Variants in CEP83 observed in about 807,000 individuals in gnomAD.
CEP83 encodes centrosomal protein 83.
CEP83 carries 70 observed loss-of-function variants against 101.9 expected under a neutral mutation model. That is an observed-to-expected ratio of 0.69 (90% confidence interval 0.57 to 0.84). The LOEUF (loss-of-function observed/expected upper bound fraction) is 0.84. Among genes scored for constraint, CEP83 ranks in the 40% least tolerant of loss-of-function variants. The probability of loss-of-function intolerance (pLI) is 0.00; values close to 1 mark genes in which losing one functional copy is unlikely to be tolerated. For missense variants in CEP83, 715 were observed against 787.2 expected (o/e 0.91, Z 1.10); for synonymous variants, 264 against 267.9 (o/e 0.99, Z 0.14).
intron 1 of CEP83, among the ~76,000 whole-genome samples, chr12:94,438,722 A>G (rs1297502035): frequency 6.6e-6 from 1 of 152,214 alleles, no homozygotes; most frequent in Non-Finnish European, 1.5e-5. Context: ...CTACCCAACA[A>G]TTGCAGAATA....
chr12:94,359,335 A>G (rs564070507), intron 11 of CEP83, among the ~76,000 whole-genome samples: 2 of 152,348 alleles, frequency 1.3e-5, no homozygotes, highest in South Asian at 4.1e-4. Context: ...ACTATAAAAT[A>G]TCAACAAAAC....
chr12:94,351,755 T>C (rs1395882131), intron 11 of CEP83, among the ~76,000 whole-genome samples: 1 of 152,162 alleles, frequency 6.6e-6, no homozygotes, highest in East Asian at 1.9e-4. Flanking sequence ...TGGGCCCATA[T>C]GGCAACAGCC....
the CEP83 span, chr12:94,279,726 C>G: frequency 6.5e-6 from 8 of 1,225,090 alleles, no homozygotes; most frequent in African/African-American, 2.1e-5. Context: ...CCCTGTCCCC[C>G]CTCCCTGCCC....
intron 2 of CEP83, among the ~76,000 whole-genome samples, chr12:94,413,903 G>C (rs1210333979): frequency 6.7e-6 from 1 of 148,284 alleles, no homozygotes; most frequent in South Asian, 2.1e-4. Context: ...ATCTTCCTTA[G>C]CCATGGGTTA....
At chr12:94,383,648 T>C (rs1283346929) in intron 6 of CEP83, among the ~76,000 whole-genome samples, 1 of 152,162 alleles carries the variant, frequency 6.6e-6, no homozygotes, top group Non-Finnish European at 1.5e-5. Flanking sequence ...TTATTATGAT[T>C]GATACGTTAA....
At chr12:94,360,817 A>C (rs2060716455) in intron 11 of CEP83, among the ~76,000 whole-genome samples, 1 of 152,224 alleles carries the variant, frequency 6.6e-6, no homozygotes, top group South Asian at 2.1e-4. Context: ...AAAAGAACAA[A>C]GTTGGAGCTA....
intron 2 of CEP83, among the ~76,000 whole-genome samples, chr12:94,433,252 G>A (rs2065773626): frequency 6.6e-6 from 1 of 152,138 alleles, no homozygotes. Context: ...AGAAAAATAA[G>A]TCGTTTATTT....
intron 1 of CEP83, among the ~76,000 whole-genome samples, chr12:94,450,654 C>G (rs949938940): frequency 5.3e-5 from 8 of 152,026 alleles, no homozygotes; most frequent in Non-Finnish European, 1.0e-4. Context: ...TAAATTTAAC[C>G]AAATAAGTGC....
At chr12:94,303,834 A>G, downstream of CEP83, 6 of 1,611,980 alleles carry the variant, frequency 3.7e-6, 1 homozygote, top group South Asian at 6.6e-5. Context: ...TTACAAAGCA[A>G]TCAGGGATTT....
rs1019165688 is a variant in CEP83, at chr12:94,424,467, G to A, written c.-102+10808C>T. ...CCTCTGCTGGTCCCACTGGTATCTC[G>A]AAGGATACGGGTGGAGATAACCTGG... is the stretch of plus-strand genomic sequence containing the variant. On this transcript the variant is annotated intron_variant, in intron 2 of 16. Coordinates refer to ENST00000397809, the MANE Select transcript of CEP83 (RefSeq NM_016122.3). 1.3e-4 allele frequency: 211 copies of A among 1,613,842 alleles called. No individual in the cohort carries two copies. In the Admixed American group the frequency reaches 3.0e-3, roughly 23 times the overall value.
chr12:94,311,376 AT>A (rs1338212587), intron 15 of CEP83, among the ~76,000 whole-genome samples: 3 of 152,238 alleles, frequency 2.0e-5, no homozygotes, highest in Non-Finnish European at 4.4e-5. Context: ...TTAACTGAAC[AT>A]GATGAGCAGG....
intron 4 of CEP83, among the ~76,000 whole-genome samples, chr12:94,409,415 G>A (rs1355593904): frequency 6.6e-6 from 1 of 151,962 alleles, no homozygotes; most frequent in Non-Finnish European, 1.5e-5. Context: ...GTTACCAACA[G>A]GGAGGCTATA....
chr12:94,453,299 A>C (rs975584459), intron 1 of CEP83, among the ~76,000 whole-genome samples: 1 of 152,162 alleles, frequency 6.6e-6, no homozygotes, highest in African/African-American at 2.4e-5. Context: ...TCCAACTTCA[A>C]GAATTGTTTT....
chr12:94,371,787 C>A (rs1265077322), intron 8 of CEP83, among the ~76,000 whole-genome samples: 2 of 152,042 alleles, frequency 1.3e-5, no homozygotes, highest in African/African-American at 4.8e-5. Context: ...ATTCCATCAA[C>A]AAAAGGTCCT....
chr12:94,423,777 C>A (rs1195272263), intron 2 of CEP83: 4 of 1,613,528 alleles, frequency 2.5e-6, no homozygotes, highest in Middle Eastern at 1.7e-4. Flanking sequence ...AGACCCCATG[C>A]TCTGAGGGTG....
At chr12:94,424,147 A>G in intron 2 of CEP83, 1 of 1,603,588 alleles carries the variant, frequency 6.2e-7, no homozygotes, top group South Asian at 1.1e-5. Flanking sequence ...CAGACCGAGC[A>G]AGCATCCTGT....
At chr12:94,440,489 G>A (rs757640229) in intron 1 of CEP83, among the ~76,000 whole-genome samples, 3 of 149,300 alleles carry the variant, frequency 2.0e-5, no homozygotes, top group Admixed American at 6.7e-5. Flanking sequence ...CCAAGGAGGC[G>A]AAAAGACCTC....
the CEP83 span, among the ~76,000 whole-genome samples, chr12:94,270,313 T>G: frequency 1.3e-5 from 2 of 152,228 alleles, no homozygotes; most frequent in Admixed American, 6.5e-5. Flanking sequence ...CCTTATTGTC[T>G]ATAGCTGCTT....
chr12:94,337,035 A>G (rs1441254866), intron 11 of CEP83, among the ~76,000 whole-genome samples: 1 of 152,192 alleles, frequency 6.6e-6, no homozygotes, highest in Admixed American at 6.5e-5. Flanking sequence ...GTCCCAGCTC[A>G]GGTCCACAGT....
Sources: gnomAD v4.1 joint callset for allele counts (sites outside exome capture counted in the v4.1 genomes callset) on GRCh38, gnomAD v4.1.1 for gene constraint, MANE v1.5 for transcripts, NCBI Gene and HGNC (gene_info 2026-07-23, HGNC 2026-07-21) for gene names.